Variants in KCND2 observed in about 807,000 individuals in gnomAD.
KCND2 encodes the protein potassium voltage-gated channel subfamily D member 2.
KCND2 carries 16 observed loss-of-function variants against 54.4 expected under a neutral mutation model. That is an observed-to-expected ratio of 0.29 (90% CI 0.20 to 0.45). The LOEUF (loss-of-function observed/expected upper bound fraction) is 0.45. Among genes scored for constraint, KCND2 ranks in the 20% least tolerant of loss-of-function variants. KCND2 has a pLI of 1.00. For missense variants in KCND2, 486 were observed against 824.2 expected, an observed-to-expected ratio of 0.59 and a Z score of 5.02; for synonymous variants, 317 against 310.7, an observed-to-expected ratio of 1.02 and a Z score of -0.21.
At chr7:120,325,165 TG>T (rs1195598015) in intron 1 of KCND2, among the ~76,000 whole-genome samples, 1 of 140,282 alleles carries the variant, frequency 7.1e-6, no homozygotes, top group Non-Finnish European at 1.5e-5. Context: ...CCTGAGAGTT[TG>T]CTGAAGTTGC....
chr7:120,662,919 A>G (rs1199529790), intron 1 of KCND2, among the ~76,000 whole-genome samples: 2 of 152,210 alleles, frequency 1.3e-5, no homozygotes, highest in African/African-American at 4.8e-5. Context: ...CAGGCTAGGA[A>G]AACGTTTCAA....
At chr7:120,529,689 C>T (rs1019515702) in intron 1 of KCND2, among the ~76,000 whole-genome samples, 5 of 152,120 alleles carry the variant, frequency 3.3e-5, no homozygotes, top group Non-Finnish European at 4.4e-5. Flanking sequence ...CACAGCAGCA[C>T]CTGTAGAGTA....
At chr7:120,633,261 T>C (rs1793261892) in intron 1 of KCND2, among the ~76,000 whole-genome samples, 1 of 152,180 alleles carries the variant, frequency 6.6e-6, no homozygotes, top group Non-Finnish European at 1.5e-5. Flanking sequence ...TGCCACTTGT[T>C]GTAAAATTTC....
At chr7:120,558,391 G>T (rs558997629) in intron 1 of KCND2, among the ~76,000 whole-genome samples, 1 of 152,144 alleles carries the variant, frequency 6.6e-6, no homozygotes, top group African/African-American at 2.4e-5. Context: ...CATTCTTGGT[G>T]TTATCAGAAG....
chr7:120,544,421 A>G (rs1442508132), intron 1 of KCND2, among the ~76,000 whole-genome samples: 1 of 152,000 alleles, frequency 6.6e-6, no homozygotes, highest in Non-Finnish European at 1.5e-5. Context: ...TGGAGTTATA[A>G]GAAGTACTAT....
At chr7:120,420,228 C>T (rs546784245) in intron 1 of KCND2, among the ~76,000 whole-genome samples, 1 of 152,222 alleles carries the variant, frequency 6.6e-6, no homozygotes, top group Non-Finnish European at 1.5e-5. Context: ...TAATATTGCA[C>T]TGCAAGAAGC....
chr7:120,731,469 G>T (rs1016701252), intron 1 of KCND2, among the ~76,000 whole-genome samples: 1 of 152,188 alleles, frequency 6.6e-6, no homozygotes, highest in Non-Finnish European at 1.5e-5. Flanking sequence ...GATGGCCAGT[G>T]TGGCCAGAGG....
intron 1 of KCND2, among the ~76,000 whole-genome samples, chr7:120,565,888 T>G (rs1341850343): frequency 2.6e-5 from 4 of 152,196 alleles, no homozygotes; most frequent in Non-Finnish European, 4.4e-5. Context: ...GATTACTCAG[T>G]TTTTCAGTGA....
At chr7:120,498,559 G>C (rs2116313242) in intron 1 of KCND2, among the ~76,000 whole-genome samples, 1 of 152,228 alleles carries the variant, frequency 6.6e-6, no homozygotes. Context: ...TGGATCACCT[G>C]AGTTCAGGAG....
intron 1 of KCND2, among the ~76,000 whole-genome samples, chr7:120,648,116 G>A (rs1474803732): frequency 6.6e-6 from 1 of 152,138 alleles, no homozygotes; most frequent in Non-Finnish European, 1.5e-5. Context: ...AGGTTTTCCT[G>A]TCCTCCTAAA....
intron 1 of KCND2, among the ~76,000 whole-genome samples, chr7:120,654,799 T>C (rs541579345): frequency 6.6e-6 from 1 of 152,204 alleles, no homozygotes; most frequent in South Asian, 2.1e-4. Context: ...GATATAGATA[T>C]TTAGATATAA....
intron 1 of KCND2, among the ~76,000 whole-genome samples, chr7:120,299,012 T>A (rs1365818408): frequency 1.3e-5 from 2 of 151,958 alleles, no homozygotes; most frequent in East Asian, 3.9e-4. Flanking sequence ...TACAAAAAAT[T>A]AGCAGGGGGC....
intron 1 of KCND2, among the ~76,000 whole-genome samples, chr7:120,526,008 A>G (rs1405100415): frequency 1.3e-5 from 2 of 152,066 alleles, no homozygotes; most frequent in African/African-American, 2.4e-5. Context: ...ACAAGTGATA[A>G]TCACCACCTA....
At chr7:120,438,929 A>G (rs1236610702) in intron 1 of KCND2, among the ~76,000 whole-genome samples, 2 of 152,138 alleles carry the variant, frequency 1.3e-5, no homozygotes, top group African/African-American at 2.4e-5. Flanking sequence ...TAATTCACAA[A>G]TATTTATTAA....
chr7:120,401,457 A>C (rs1372046309), intron 1 of KCND2, among the ~76,000 whole-genome samples: 1 of 152,150 alleles, frequency 6.6e-6, no homozygotes. Flanking sequence ...TTTTAAAAAT[A>C]CTGTACAAAT....
intron 1 of KCND2, among the ~76,000 whole-genome samples, chr7:120,572,201 A>T (rs1792374735): frequency 6.6e-6 from 1 of 151,910 alleles, no homozygotes; most frequent in Admixed American, 6.6e-5. Context: ...CAAGTAAATT[A>T]AAATACAGCC....
intron 1 of KCND2, among the ~76,000 whole-genome samples, chr7:120,643,876 ATACT>A (rs941742924): frequency 2.0e-5 from 3 of 150,984 alleles, no homozygotes; most frequent in African/African-American, 7.3e-5. Flanking sequence ...AATTCAAATA[ATACT>A]TACAATAATT....
At chr7:120,275,869 ATTATCT>A in intron 1 of KCND2, 122 bp downstream of exon 1, 1 of 1,120,220 alleles carries the variant, frequency 8.9e-7, no homozygotes, top group Non-Finnish European at 1.3e-6. Context: ...TTAGGAAAGC[ATTATCT>A]AAATGGTTTG....
At chr7:120,365,300 C>T (rs1800654172) in intron 1 of KCND2, among the ~76,000 whole-genome samples, 1 of 151,922 alleles carries the variant, frequency 6.6e-6, no homozygotes, top group African/African-American at 2.4e-5. Context: ...TTTGAGATGT[C>T]TCCTGAGCCG....
Sources: gnomAD v4.1 joint callset for allele counts (sites outside exome capture counted in the v4.1 genomes callset) on GRCh38, gnomAD v4.1.1 for gene constraint, MANE v1.5 for transcripts, NCBI Gene and HGNC (gene_info 2026-07-23, HGNC 2026-07-21) for gene names.